Variants in KSR1 observed in about 807,000 individuals in gnomAD.
KSR1 encodes kinase suppressor of ras 1.
Under a neutral mutation model 92.9 loss-of-function variants are expected in KSR1, and 35 were observed. That is an observed-to-expected ratio of 0.38 (90% CI 0.29 to 0.50). The LOEUF (loss-of-function observed/expected upper bound fraction) is 0.50. Ranked by LOEUF, KSR1 falls within the 20% of genes least tolerant of loss-of-function variation. The pLI, the probability that KSR1 is intolerant of heterozygous loss-of-function variation, is 0.94. For synonymous variants in KSR1, 467 were observed against 472.6 expected, an observed-to-expected ratio of 0.99 and a Z score of 0.15; for missense variants, 972 against 1,158.5, an observed-to-expected ratio of 0.84 and a Z score of 2.34.
intron 1 of KSR1, among the ~76,000 whole-genome samples, chr17:27,502,410 T>C (rs2069224040): frequency 6.6e-6 from 1 of 152,228 alleles, no homozygotes; most frequent in Non-Finnish European, 1.5e-5. Flanking sequence ...TCCGAGACCC[T>C]GTCTTACATG....
intron 1 of KSR1, among the ~76,000 whole-genome samples, chr17:27,458,433 C>G (rs1444918957): frequency 1.3e-5 from 2 of 152,096 alleles, no homozygotes; most frequent in Non-Finnish European, 2.9e-5. Context: ...TGGGATTGTC[C>G]CCACGTTGCT....
intron 10 of KSR1, among the ~76,000 whole-genome samples, chr17:27,598,826 TTGGTCG>T (rs1248123005): frequency 6.6e-6 from 1 of 152,138 alleles, no homozygotes; most frequent in East Asian, 1.9e-4. Context: ...TCCTGTCTCT[TTGGTCG>T]TGGCAGCACC....
intron 15 of KSR1, 67 bp from the exon 16 acceptor site, chr17:27,609,129 T>C: frequency 1.3e-6 from 2 of 1,527,552 alleles, no homozygotes. Flanking sequence ...TTTAGGTAAA[T>C]CATCCAGCCC....
chr17:27,518,926 T>G (rs775883810), intron 1 of KSR1, among the ~76,000 whole-genome samples: 1 of 152,182 alleles, frequency 6.6e-6, no homozygotes, highest in Non-Finnish European at 1.5e-5. Flanking sequence ...GTGTGCATCA[T>G]TAGCCCTGCA....
intron 1 of KSR1, among the ~76,000 whole-genome samples, chr17:27,505,846 G>GT (rs1427207232): frequency 6.6e-6 from 1 of 152,228 alleles, no homozygotes; most frequent in Non-Finnish European, 1.5e-5. Context: ...GATAGAAACA[G>GT]TGTATGTGTT....
At chr17:27,457,204 C>T (rs965021825) in intron 1 of KSR1, among the ~76,000 whole-genome samples, 4 of 152,112 alleles carry the variant, frequency 2.6e-5, no homozygotes, top group African/African-American at 7.2e-5. Context: ...GTTGTCCCAC[C>T]GAGTCACAAG....
chr17:27,603,073 A>G (rs1196512758), intron 11 of KSR1, among the ~76,000 whole-genome samples: 3 of 152,206 alleles, frequency 2.0e-5, no homozygotes, highest in Non-Finnish European at 2.9e-5. Flanking sequence ...TGAGCCGTCC[A>G]TGGCGGCCCT....
At chr17:27,487,456 G>A (rs1307092442) in intron 1 of KSR1, among the ~76,000 whole-genome samples, 1 of 151,188 alleles carries the variant, frequency 6.6e-6, no homozygotes, top group Non-Finnish European at 1.5e-5. Flanking sequence ...AGAATAAAAG[G>A]GGTTTATTTG....
At chr17:27,526,531 GCT>G in intron 1 of KSR1, 3 of 1,602,838 alleles carry the variant, frequency 1.9e-6, no homozygotes, top group Non-Finnish European at 2.6e-6. Context: ...TCACACTCTC[GCT>G]CTGTCTGCTG....
In KSR1 at chr17:27,534,567, G is replaced by T. The variant is rs546220674; in HGVS notation, c.232-16001G>T. ...CGAGCTGGGATTTGAACCCGGGTCT[G>T]TTGGCCTCTAGGCCCCAGCACCTGA... is the stretch of plus-strand genomic sequence containing the variant. On this transcript the variant is annotated intron_variant, in intron 1 of 20. Transcript: ENST00000644974. Among the ~76,000 whole-genome samples the T allele has an allele frequency of 4.6e-5, 7 of 152,366 alleles. No individual in the cohort carries two copies. The South Asian group carries it at 1.4e-3, about 32-fold the overall frequency.
At chr17:27,498,638 A>G (rs2069076662) in intron 1 of KSR1, among the ~76,000 whole-genome samples, 2 of 152,106 alleles carry the variant, frequency 1.3e-5, no homozygotes, top group African/African-American at 4.8e-5. Context: ...CGATAACACT[A>G]GTGTTTGAGA....
chr17:27,501,963 C>A (rs2069206537), intron 1 of KSR1, among the ~76,000 whole-genome samples: 1 of 152,246 alleles, frequency 6.6e-6, no homozygotes, highest in African/African-American at 2.4e-5. Context: ...AGACTTTGCA[C>A]AAATTACTGA....
intron 3 of KSR1, among the ~76,000 whole-genome samples, chr17:27,581,322 G>T (rs1007141108): frequency 6.6e-6 from 1 of 152,076 alleles, no homozygotes; most frequent in African/African-American, 2.4e-5. Context: ...CCAACATTGG[G>T]ATTACAATTC....
At chr17:27,526,889 G>A (rs2070325801) in intron 1 of KSR1, 1 of 645,462 alleles carries the variant, frequency 1.5e-6, no homozygotes, top group African/African-American at 1.8e-5. Context: ...GCAGCATGCT[G>A]GTGATCTCCT....
At chr17:27,542,630 G>A (rs922827280) in intron 1 of KSR1, among the ~76,000 whole-genome samples, 7 of 152,216 alleles carry the variant, frequency 4.6e-5, no homozygotes, top group Non-Finnish European at 7.4e-5. Context: ...GGTGTTTTTT[G>A]CAAAGGTGCA....
intron 14 of KSR1, among the ~76,000 whole-genome samples, chr17:27,606,727 GTTGTAT>G (rs1377835964): frequency 6.6e-6 from 1 of 150,640 alleles, no homozygotes; most frequent in Non-Finnish European, 1.5e-5. Flanking sequence ...GTTGGGAAGA[GTTGTAT>G]AATCAAGAGC....
At position 27,459,760 on chromosome 17, in the gene KSR1, G is replaced by A. The variant is rs188530979; in HGVS notation, c.231+2886G>A. Reference sequence around the variant, plus strand: ...CAGTGGGAGAAGCAGCACGTGAAATGTCCGTGGAGGTCCCTGACCAGGGAT... The same window carrying A: ...CAGTGGGAGAAGCAGCACGTGAAATATCCGTGGAGGTCCCTGACCAGGGAT... On this transcript the variant is annotated intron_variant, in intron 1 of 20. Coordinates refer to ENST00000644974, the MANE Select transcript of KSR1 (RefSeq NM_001394583.1). This position sits in a 1 kb window ranked among gnomAD's most constrained non-coding sequence, Gnocchi z 4.6. Among the ~76,000 whole-genome samples, 305 of 152,380 alleles carry A rather than the reference G, an allele frequency of 2.0e-3. 1 individual carries two copies. The highest frequency in any genetic ancestry group is 7.0e-3 in the African/African-American group (292 of 41,594).
intron 19 of KSR1, among the ~76,000 whole-genome samples, chr17:27,618,731 C>T (rs1048491845): frequency 6.6e-6 from 1 of 152,210 alleles, no homozygotes. Context: ...TTTTGCCCCC[C>T]AACCATGTAG....
At chr17:27,608,633 G>A (rs2151241602) in intron 15 of KSR1, among the ~76,000 whole-genome samples, 1 of 152,328 alleles carries the variant, frequency 6.6e-6, no homozygotes, top group Admixed American at 6.5e-5. Flanking sequence ...GCCACAGAGT[G>A]AGTGAGAATC....
Sources: allele counts gnomAD v4.1 joint callset (sites outside exome capture counted in the v4.1 genomes callset), GRCh38; gene constraint gnomAD v4.1.1; non-coding constraint Gnocchi (gnomAD v3.1); transcripts MANE v1.5; gene names NCBI Gene and HGNC (gene_info 2026-07-23, HGNC 2026-07-21).